NTNG1: variants seen among roughly 807,000 people sequenced by gnomAD.
NTNG1 encodes netrin-G1.
In NTNG1, 16 loss-of-function variants were observed where a neutral mutation model predicts 54.0. That is an observed-to-expected ratio of 0.30 (90% CI 0.20 to 0.45). The LOEUF is 0.45. Ranked by LOEUF, NTNG1 falls within the 20% of genes least tolerant of loss-of-function variation. NTNG1 has a pLI of 1.00. For synonymous variants in NTNG1, 255 were observed against 263.1 expected (o/e 0.97, Z 0.30); for missense variants, 530 against 678.7 (o/e 0.78, Z 2.43).
At chr1:107,363,802 C>A (rs550586963) in intron 3 of NTNG1, among the ~76,000 whole-genome samples, 1 of 152,170 alleles carries the variant, frequency 6.6e-6, no homozygotes, top group Non-Finnish European at 1.5e-5. Context: ...TCAACATGCA[C>A]ATGTATATTT....
At chr1:107,400,562 G>A (rs1157557897) in intron 4 of NTNG1, among the ~76,000 whole-genome samples, 2 of 152,000 alleles carry the variant, frequency 1.3e-5, no homozygotes, top group African/African-American at 4.8e-5. Context: ...TTTAAACTTA[G>A]GTCTGTCTCA....
chr1:107,189,940 G>C (rs1228521772), intron 2 of NTNG1, among the ~76,000 whole-genome samples: 6 of 152,050 alleles, frequency 3.9e-5, no homozygotes, highest in Non-Finnish European at 7.4e-5. Flanking sequence ...CAGATGAATG[G>C]ATAGACAAAA....
intron 2 of NTNG1, among the ~76,000 whole-genome samples, chr1:107,278,317 A>G (rs2101716082): frequency 6.6e-6 from 1 of 152,288 alleles, no homozygotes; most frequent in South Asian, 2.1e-4. Flanking sequence ...GCACCTATAT[A>G]AGTATACTCT....
intron 5 of NTNG1, among the ~76,000 whole-genome samples, chr1:107,412,931 C>T (rs940981418): frequency 3.9e-5 from 6 of 152,114 alleles, no homozygotes; most frequent in African/African-American, 1.4e-4. Context: ...TTGCTTATAA[C>T]AAAATAAAAT....
At chr1:107,291,000 T>C (rs1665568993) in intron 2 of NTNG1, among the ~76,000 whole-genome samples, 2 of 146,978 alleles carry the variant, frequency 1.4e-5, no homozygotes, top group Admixed American at 1.4e-4. Flanking sequence ...CACACATACA[T>C]ACACACGCAT....
rs1009175151 is a variant in NTNG1, at chr1:107,160,082, G to T, written c.246+11243G>T. On this transcript the variant is annotated intron_variant, in intron 2 of 7. Coordinates refer to ENST00000370068, the MANE Select transcript of NTNG1 (RefSeq NM_001113226.3). Reference sequence around the variant, plus strand: ...GTGTGATGCTTTTGTTTTGTTTTTGGTTTTTTACAGTATCAATAACAACTG... The same window carrying T: ...GTGTGATGCTTTTGTTTTGTTTTTGTTTTTTTACAGTATCAATAACAACTG... Among the ~76,000 whole-genome samples, 22 of 152,206 alleles carry T rather than the reference G, an allele frequency of 1.4e-4. 1 individual carries two copies. The highest frequency in any genetic ancestry group is 9.7e-4 in the East Asian group (5 of 5,180).
intron 2 of NTNG1, among the ~76,000 whole-genome samples, chr1:107,165,014 G>T (rs1325668070): frequency 2.6e-5 from 4 of 152,120 alleles, no homozygotes; most frequent in Non-Finnish European, 5.9e-5. Context: ...ATACGAGCCA[G>T]AGTGGGGTGA....
chr1:107,182,143 T>A (rs1657118612), intron 2 of NTNG1, among the ~76,000 whole-genome samples: 1 of 152,168 alleles, frequency 6.6e-6, no homozygotes, highest in East Asian at 1.9e-4. Context: ...TGATAAAAGA[T>A]TTGAATGCAT....
chr1:107,480,616 G>A lies in NTNG1; in HGVS notation c.1396G>A (p.Val466Ile). The A allele has an allele frequency of 2.1e-6, 2 of 963,568 alleles. No individual in the cohort carries two copies. 59.7% of individuals were successfully genotyped at this position (963,568 alleles called of 1,614,324 possible). A position where few individuals can be genotyped will look rare whatever the true frequency, so the allele number is the denominator to read the frequency against. ...NSWHYGCQPN[V>I]CDNELLHCQN... The stretch of plus-strand genomic sequence containing the variant: ...CCTTCCCCCTCATTCTGCAGCGAAT[G>A]TCTGCGACAACGAGCTCCTGCACTG... Residue 466 changes from valine to isoleucine, a missense_variant, in exon 8 of 8, where the codon GTC becomes ATC. Physicochemically the swap from Val to Ile is conservative, Grantham distance 29. This residue lies in a region of NTNG1 where 212 missense variants were observed against 213.6 expected (regional missense o/e 0.99). Coordinates refer to ENST00000370068, the MANE Select transcript of NTNG1 (RefSeq NM_001113226.3).
intron 5 of NTNG1, 53 bp from the exon 6 acceptor site, chr1:107,430,697 T>C: frequency 6.4e-7 from 1 of 1,570,404 alleles, no homozygotes; most frequent in Non-Finnish European, 8.8e-7. Context: ...TGTAGTATGC[T>C]ATTACTCTGC....
In NTNG1 at chr1:107,324,984, T is replaced by C. The variant is rs1432544582; in HGVS notation, c.887+62T>C. ...TGTGTCCAAAGAAAATGCCAGAGTG[T>C]CTCACAGCTGTAAAGTGACATTTGT... On this transcript the variant is annotated intron_variant, in intron 3 of 7. Transcript: ENST00000370068. 3 of 1,467,686 alleles carry C rather than the reference T, an allele frequency of 2.0e-6. No homozygotes were observed. The African/African-American group carries it at 4.2e-5, about 21-fold the overall frequency. 90.9% of individuals were successfully genotyped at this position (1,467,686 alleles called of 1,614,324 possible).
chr1:107,361,393 T>TATATATATATA lies in NTNG1; in HGVS notation c.888-33761_888-33760insATATATATATA, dbSNP rs10637251. Among the ~76,000 whole-genome samples the TATATATATATA allele has an allele frequency of 8.6e-4, 23 of 26,832 alleles. No homozygotes were observed. The South Asian group carries it at 8.7e-3, about 10-fold the overall frequency. The allele number at this position is 26,832 out of a possible 152,430, so 17.6% of individuals were successfully genotyped here. On this transcript the variant is annotated intron_variant, in intron 3 of 7. Coordinates refer to ENST00000370068, the MANE Select transcript of NTNG1 (RefSeq NM_001113226.3). ...TATATACATATATATATATATATATTTTTTTTTTTTTTTGAGACACAGTTT... is the reference window on the plus strand; with the variant it reads ...TATATACATATATATATATATATATTATATATATATATTTTTTTTTTTTTGAGACACAGTTT...
At chr1:107,370,153 T>C (rs1670827812) in intron 3 of NTNG1, among the ~76,000 whole-genome samples, 1 of 151,856 alleles carries the variant, frequency 6.6e-6, no homozygotes, top group Non-Finnish European at 1.5e-5. Flanking sequence ...TGTTAATCTT[T>C]CAGCTTTGTT....
At chr1:107,366,795 T>C (rs1412456635) in intron 3 of NTNG1, among the ~76,000 whole-genome samples, 1 of 152,224 alleles carries the variant, frequency 6.6e-6, no homozygotes, top group Non-Finnish European at 1.5e-5. Flanking sequence ...AGAAATTATA[T>C]GAAATACTTC....
At position 107,240,253 on chromosome 1, in the gene NTNG1, C is replaced by T. The variant is rs542762747; in HGVS notation, c.247-84029C>T. Among the ~76,000 whole-genome samples the T allele has an allele frequency of 1.8e-3, 266 of 151,368 alleles. 2 individuals carry two copies. The highest frequency in any genetic ancestry group is 6.3e-3 in the African/African-American group (259 of 41,252). Reference sequence around the variant, plus strand: ...AACAAACAGTTTTAGGGATGTTTATCCCTTTTGAGTGGAATATCCTTATTT... The same window carrying T: ...AACAAACAGTTTTAGGGATGTTTATTCCTTTTGAGTGGAATATCCTTATTT... On this transcript the variant is annotated intron_variant, in intron 2 of 7. Coordinates refer to ENST00000370068, the MANE Select transcript of NTNG1 (RefSeq NM_001113226.3).
At chr1:107,463,017 C>T (rs1677374323) in intron 7 of NTNG1, among the ~76,000 whole-genome samples, 2 of 152,196 alleles carry the variant, frequency 1.3e-5, no homozygotes, top group Admixed American at 6.5e-5. Context: ...ACTATACCAG[C>T]CTACCTCCAA....
chr1:107,334,271 A>G (rs184494547), intron 3 of NTNG1, among the ~76,000 whole-genome samples: 62 of 152,154 alleles, frequency 4.1e-4, no homozygotes, highest in Non-Finnish European at 6.9e-4. Flanking sequence ...AGAGCCCAGT[A>G]AAACTGAACA....
In NTNG1 at chr1:107,436,613, C is replaced by A. The variant is rs531267909; in HGVS notation, c.1256-52C>A. ...TACGTGACGCTCCTGTGTTGATAAC[C>A]TGTAAGCCATGCAGACTTGTCTCCA... On this transcript the variant is annotated intron_variant, in intron 6 of 7. Coordinates refer to ENST00000370068, the MANE Select transcript of NTNG1 (RefSeq NM_001113226.3). The A allele has an allele frequency of 7.2e-5, 113 of 1,578,890 alleles. 1 individual carries two copies. In the African/African-American group the frequency reaches 1.3e-3, roughly 18 times the overall value.
At chr1:107,287,155 G>A (rs550074002) in intron 2 of NTNG1, among the ~76,000 whole-genome samples, 5 of 152,234 alleles carry the variant, frequency 3.3e-5, no homozygotes, top group African/African-American at 1.2e-4. Context: ...TGTTCTAGCT[G>A]TGGAGGCTAC....
Sources: allele counts gnomAD v4.1 joint callset (sites outside exome capture counted in the v4.1 genomes callset), GRCh38; gene constraint gnomAD v4.1.1; regional missense constraint gnomAD v4.1.1; transcripts MANE v1.5; gene names NCBI Gene and HGNC (gene_info 2026-07-23, HGNC 2026-07-21).